Variants in FYB1 observed in about 807,000 individuals in gnomAD.
FYB1 encodes FYN-binding protein 1.
In FYB1, 41 loss-of-function variants were observed where a neutral mutation model predicts 94.1. The observed-to-expected ratio is 0.44, with a 90% confidence interval of 0.34 to 0.57. FYB1 has a LOEUF of 0.57. Ranked by LOEUF, FYB1 falls within the 20% of genes least tolerant of loss-of-function variation. The pLI is 0.02. For missense variants in FYB1, 1,050 were observed against 976.8 expected (o/e 1.07, Z -1.00); for synonymous variants, 367 against 353.2 (o/e 1.04, Z -0.44).
At chr5:39,117,448 G>A (rs888029144) in intron 16 of FYB1, among the ~76,000 whole-genome samples, 3 of 151,916 alleles carry the variant, frequency 2.0e-5, no homozygotes, top group South Asian at 2.1e-4. Context: ...GTAGATCCTC[G>A]CAAATCCTAG....
intron 1 of FYB1, among the ~76,000 whole-genome samples, chr5:39,266,425 A>T (rs993637741): frequency 2.0e-5 from 3 of 152,234 alleles, no homozygotes; most frequent in Admixed American, 6.5e-5. Flanking sequence ...CGTGTGTCCA[A>T]TGCCCATCAA....
At chr5:39,216,069 C>T (rs925626114) in intron 1 of FYB1, among the ~76,000 whole-genome samples, 2 of 152,108 alleles carry the variant, frequency 1.3e-5, no homozygotes, top group Non-Finnish European at 2.9e-5. Flanking sequence ...AGGCCAGAAA[C>T]GAATCCTCCC....
chr5:39,111,108 G>T (rs1481793627), intron 16 of FYB1, among the ~76,000 whole-genome samples: 4 of 151,888 alleles, frequency 2.6e-5, no homozygotes, highest in African/African-American at 9.7e-5. Flanking sequence ...TTGTTGTTGT[G>T]TGAGGGGCAC....
intron 7 of FYB1, among the ~76,000 whole-genome samples, chr5:39,136,285 G>A (rs1301566487): frequency 6.6e-6 from 1 of 151,844 alleles, no homozygotes. Context: ...TAGCCAGTAT[G>A]GTCTCAATCT....
rs75715521 is a variant in FYB1, at chr5:39,201,818, G to T, written c.1135+8C>A. 1,121 of 1,605,350 alleles carry T rather than the reference G, an allele frequency of 7.0e-4. 8 individuals are homozygous for T. The African/African-American group carries it at 0.011, about 16-fold the overall frequency. ...CCATACTGAATAGCAAACGAGAAAA[G>T]AACTCACTGTTTCCAGAAGAGGTTT... On this transcript the variant is annotated splice_region_variant and intron_variant, in intron 2 of 18. Coordinates refer to ENST00000512982, the MANE Select transcript of FYB1 (RefSeq NM_001465.6).
At chr5:39,112,433 TAC>T (rs1302343919) in intron 16 of FYB1, among the ~76,000 whole-genome samples, 1 of 152,100 alleles carries the variant, frequency 6.6e-6, no homozygotes, top group Non-Finnish European at 1.5e-5. Flanking sequence ...TAGGGATTCA[TAC>T]AGTCTCTGAG....
chr5:39,140,691 C>T (rs540005537), intron 4 of FYB1, among the ~76,000 whole-genome samples: 2 of 152,294 alleles, frequency 1.3e-5, no homozygotes, highest in African/African-American at 2.4e-5. Flanking sequence ...AATGTGGATG[C>T]ATACCATGGA....
rs1262946177 is a variant in FYB1 at position 39,153,574 on chromosome 5, G to C, written c.1166C>G (p.Thr389Arg). The C allele has an allele frequency of 1.2e-6, 2 of 1,613,676 alleles. No individual in the cohort carries two copies. Among genetic ancestry groups the C allele is most frequent in the African/African-American group, 2.7e-5 (2 of 74,870 alleles). ...STSKGQTSYS[T>R]TSLPPPPPSH... is the part of the protein sequence containing the mutation. ...TGGTGGAGGTGGTGGCAGGGAAGTT[G>C]TTGAGTAAGACGTCTGGCCTTTGCT... Residue 389 changes from threonine (T) to arginine (R), a missense_variant, in exon 3 of 19, where the codon ACA (threonine) becomes AGA (arginine). Transcript: ENST00000512982.
chr5:39,177,897 G>C (rs762855781), intron 2 of FYB1, among the ~76,000 whole-genome samples: 1 of 152,136 alleles, frequency 6.6e-6, no homozygotes, highest in East Asian at 1.9e-4. Context: ...TTCTCACTCC[G>C]CTTCCCCATC....
intron 2 of FYB1, among the ~76,000 whole-genome samples, chr5:39,170,759 A>C (rs533703053): frequency 1.3e-5 from 2 of 152,180 alleles, no homozygotes; most frequent in African/African-American, 4.8e-5. Context: ...ATAAATTCCA[A>C]ACTGTGACCT....
intron 2 of FYB1, among the ~76,000 whole-genome samples, chr5:39,161,310 T>A (rs181162326): frequency 3.4e-4 from 51 of 152,212 alleles, no homozygotes; most frequent in African/African-American, 1.2e-3. Flanking sequence ...AAAAATAATT[T>A]AAAAAAGCAA....
At chr5:39,223,101 C>T (rs1003670920), upstream of FYB1, among the ~76,000 whole-genome samples, 23 of 151,156 alleles carry the variant, frequency 1.5e-4, no homozygotes, top group African/African-American at 5.4e-4. Context: ...GCACATGTAC[C>T]CTGGAACTTA....
intron 2 of FYB1, among the ~76,000 whole-genome samples, chr5:39,161,212 G>A (rs989845326): frequency 6.6e-6 from 1 of 152,080 alleles, no homozygotes; most frequent in Non-Finnish European, 1.5e-5. Flanking sequence ...CAACACCTGC[G>A]TATGCCCTAT....
chr5:39,166,699 G>A (rs1344463500), intron 2 of FYB1, among the ~76,000 whole-genome samples: 5 of 148,988 alleles, frequency 3.4e-5, no homozygotes, highest in Admixed American at 2.6e-4. Flanking sequence ...AAATAATTGA[G>A]AAACAGAAAG....
At chr5:39,239,856 A>C (rs1360655151) in intron 1 of FYB1, among the ~76,000 whole-genome samples, 1 of 152,216 alleles carries the variant, frequency 6.6e-6, no homozygotes, top group Non-Finnish European at 1.5e-5. Flanking sequence ...TAGCCAAAGC[A>C]ATCTTAAGCA....
intron 5 of FYB1, 102 bp downstream of exon 5, chr5:39,139,131 G>A: frequency 8.5e-7 from 1 of 1,172,778 alleles, no homozygotes; most frequent in Non-Finnish European, 1.2e-6. Context: ...TTGCTCATAA[G>A]GATTTTCATT....
chr5:39,263,081 T>C (rs976265063), intron 1 of FYB1, among the ~76,000 whole-genome samples: 8 of 152,174 alleles, frequency 5.3e-5, no homozygotes, highest in African/African-American at 1.7e-4. Context: ...ATTTGTTGTA[T>C]TATGTGTTTC....
intron 2 of FYB1, among the ~76,000 whole-genome samples, chr5:39,175,824 A>G (rs16868239): frequency 0.22 from 33,445 of 152,070 alleles, 3,923 homozygotes; most frequent in African/African-American, 0.28. Flanking sequence ...GGTCATTACA[A>G]TAGTGAATAA....
At chr5:39,251,465 A>G (rs1187161463) in intron 1 of FYB1, among the ~76,000 whole-genome samples, 1 of 152,090 alleles carries the variant, frequency 6.6e-6, no homozygotes, top group Non-Finnish European at 1.5e-5. Flanking sequence ...GATGCTCCAT[A>G]TGGGCTGCTC....
Sources: allele counts gnomAD v4.1 joint callset (sites outside exome capture counted in the v4.1 genomes callset), GRCh38; gene constraint gnomAD v4.1.1; transcripts MANE v1.5; gene names NCBI Gene and HGNC (gene_info 2026-07-23, HGNC 2026-07-21).